The following CFAP299 variants were observed in gnomAD, a reference collection of about 807,000 sequenced individuals.
CFAP299 encodes the protein cilia- and flagella-associated protein 299.
A neutral mutation model predicts 27.0 loss-of-function variants in CFAP299; 21 were observed. The ratio of observed to expected loss-of-function variants is 0.78; its 90% confidence interval spans 0.55 to 1.12. CFAP299 has a LOEUF of 1.12. Among genes scored for constraint, CFAP299 ranks in the 50% most tolerant of loss-of-function variants. The pLI is 0.00. For missense variants in CFAP299, 310 were observed against 276.6 expected (o/e 1.12, Z -0.86); for synonymous variants, 104 against 98.1 (o/e 1.06, Z -0.36).
intron 3 of CFAP299, among the ~76,000 whole-genome samples, chr4:80,641,551 G>A (rs1418829416): frequency 6.6e-6 from 1 of 152,102 alleles, no homozygotes; most frequent in Non-Finnish European, 1.5e-5. Flanking sequence ...GCTGAAGATT[G>A]CCCTACATTT....
At chr4:80,382,172 AG>A (rs1432863468) in intron 2 of CFAP299, among the ~76,000 whole-genome samples, 1 of 152,210 alleles carries the variant, frequency 6.6e-6, no homozygotes, top group Non-Finnish European at 1.5e-5. Context: ...GATGGATTAA[AG>A]GCTTAAATGT....
At chr4:80,678,136 T>C (rs935308076) in intron 3 of CFAP299, among the ~76,000 whole-genome samples, 19 of 152,050 alleles carry the variant, frequency 1.2e-4, no homozygotes, top group African/African-American at 4.6e-4. Context: ...CTATGAAATA[T>C]CATTTTCTTC....
intron 3 of CFAP299, among the ~76,000 whole-genome samples, chr4:80,849,231 C>T (rs1467392577): frequency 2.0e-5 from 3 of 151,902 alleles, no homozygotes; most frequent in Admixed American, 2.0e-4. Context: ...TAACACAAAA[C>T]TAGCCTACAC....
intron 2 of CFAP299, among the ~76,000 whole-genome samples, chr4:80,447,537 G>T (rs1041747000): frequency 6.6e-6 from 1 of 151,878 alleles, no homozygotes; most frequent in Non-Finnish European, 1.5e-5. Flanking sequence ...GATTCAAGCG[G>T]TTCTCCTGCC....
intron 3 of CFAP299, among the ~76,000 whole-genome samples, chr4:80,669,649 G>C (rs1577997440): frequency 6.8e-6 from 1 of 147,790 alleles, no homozygotes; most frequent in African/African-American, 2.5e-5. Context: ...GGGCTAATTT[G>C]ATTTTTTCCT....
rs546263219 is a variant in CFAP299, at chr4:80,441,026, G to A, written c.242+78142G>A. The stretch of plus-strand genomic sequence containing the variant: ...GAGAGAAAAAAGAATGAAAAGGGAT[G>A]AACAAAGCCTCCATGAAATATGGGA... On this transcript the variant is annotated intron_variant, in intron 2 of 5. Transcript: ENST00000358105. Among the ~76,000 whole-genome samples, 76 of 152,226 alleles carry A rather than the reference G, an allele frequency of 5.0e-4. 1 individual carries two copies. Among genetic ancestry groups the A allele is most frequent in the African/African-American group, 1.8e-3 (73 of 41,536 alleles).
chr4:80,774,049 G>A (rs1200929942), intron 3 of CFAP299, among the ~76,000 whole-genome samples: 1 of 151,722 alleles, frequency 6.6e-6, no homozygotes, highest in African/African-American at 2.4e-5. Flanking sequence ...GTTTATGTTC[G>A]GCTGATCACA....
intron 3 of CFAP299, among the ~76,000 whole-genome samples, chr4:80,700,718 G>A (rs1721421157): frequency 6.6e-6 from 1 of 151,940 alleles, no homozygotes; most frequent in Admixed American, 6.6e-5. Flanking sequence ...AGAAATTGTA[G>A]AATGAGATGG....
chr4:80,519,719 T>C (rs549126747), intron 2 of CFAP299, among the ~76,000 whole-genome samples: 3 of 152,250 alleles, frequency 2.0e-5, no homozygotes, highest in Admixed American at 2.0e-4. Context: ...AATCTGATGG[T>C]GAGCCAGGCT....
At chr4:80,789,032 G>A (rs1727405460) in intron 3 of CFAP299, among the ~76,000 whole-genome samples, 1 of 152,146 alleles carries the variant, frequency 6.6e-6, no homozygotes. Flanking sequence ...CTGAAATACA[G>A]TTCTTGAATA....
At chr4:80,578,907 G>T (rs1363377680) in intron 2 of CFAP299, among the ~76,000 whole-genome samples, 1 of 152,054 alleles carries the variant, frequency 6.6e-6, no homozygotes, top group African/African-American at 2.4e-5. Flanking sequence ...GAAATTCTTA[G>T]AATATTTCAC....
intron 3 of CFAP299, among the ~76,000 whole-genome samples, chr4:80,799,990 T>G (rs1728310646): frequency 1.7e-5 from 1 of 59,480 alleles, no homozygotes; most frequent in Non-Finnish European, 2.8e-5. Context: ...ATATATGTAA[T>G]ATATATTATG....
chr4:80,631,135 A>C (rs1223931859), intron 3 of CFAP299, among the ~76,000 whole-genome samples: 2 of 152,090 alleles, frequency 1.3e-5, no homozygotes, highest in Non-Finnish European at 2.9e-5. Flanking sequence ...AAGCTGTCAT[A>C]GTCACTAGTT....
At chr4:80,327,750 T>TATATAACTTCAATACATATA in the CFAP299 span, among the ~76,000 whole-genome samples, 1 of 144,608 alleles carries the variant, frequency 6.9e-6, no homozygotes, top group African/African-American at 2.6e-5. Flanking sequence ...TATATATATG[T>TATATAACTTCAATACATATA]TGAGAAAGCT....
intron 2 of CFAP299, among the ~76,000 whole-genome samples, chr4:80,529,757 T>G (rs1733376707): frequency 6.6e-6 from 1 of 151,984 alleles, no homozygotes. Context: ...TTTTTTTTTT[T>G]CTTGGCAAAC....
At chr4:80,631,859 G>GGCCCCCC (rs34615962) in intron 3 of CFAP299, among the ~76,000 whole-genome samples, 2 of 21,470 alleles carry the variant, frequency 9.3e-5, no homozygotes, top group Non-Finnish European at 1.8e-4. Flanking sequence ...GAATATTTGT[G>GGCCCCCC]CCCCACCCCC....
chr4:80,601,789 T>G (rs1229648929), intron 3 of CFAP299, among the ~76,000 whole-genome samples: 1 of 152,146 alleles, frequency 6.6e-6, no homozygotes, highest in Non-Finnish European at 1.5e-5. Context: ...GAGTAAAAAT[T>G]GCAGCACTAT....
chr4:80,419,113 A>G (rs1425333650), intron 2 of CFAP299, among the ~76,000 whole-genome samples: 1 of 152,182 alleles, frequency 6.6e-6, no homozygotes, highest in African/African-American at 2.4e-5. Flanking sequence ...AGAAGGAGAG[A>G]CCTAGGCATA....
intron 3 of CFAP299, among the ~76,000 whole-genome samples, chr4:80,627,293 T>A (rs534376927): frequency 6.6e-6 from 1 of 152,090 alleles, no homozygotes; most frequent in East Asian, 1.9e-4. Context: ...AAATTTGGCA[T>A]CCTTTCATGA....
Sources: allele counts gnomAD v4.1 joint callset (sites outside exome capture counted in the v4.1 genomes callset), GRCh38; gene constraint gnomAD v4.1.1; transcripts MANE v1.5; gene names NCBI Gene and HGNC (gene_info 2026-07-23, HGNC 2026-07-21).